PDE8B: variants seen among roughly 807,000 people sequenced by gnomAD.
PDE8B encodes high affinity cAMP-specific and IBMX-insensitive 3',5'-cyclic phosphodiesterase 8B.
PDE8B carries 26 observed loss-of-function variants against 101.3 expected under a neutral mutation model. The observed-to-expected ratio is 0.26, with a 90% confidence interval of 0.19 to 0.36. The LOEUF (loss-of-function observed/expected upper bound fraction) is 0.36, where lower values mean the gene tolerates loss of function less well. Among genes scored for constraint, PDE8B ranks in the 10% least tolerant of loss-of-function variants. The pLI is 1.00. For missense variants in PDE8B, 810 were observed against 1,163.1 expected (o/e 0.70, Z 4.42); for synonymous variants, 424 against 429.3 (o/e 0.99, Z 0.15).
chr5:77,280,212 A>C (rs1370074373), intron 1 of PDE8B, among the ~76,000 whole-genome samples: 1 of 152,202 alleles, frequency 6.6e-6, no homozygotes, highest in Non-Finnish European at 1.5e-5. Flanking sequence ...TTGGGTGCCA[A>C]CCAGGACACT....
chr5:77,402,312 A>G (rs1398149473), intron 11 of PDE8B, among the ~76,000 whole-genome samples: 1 of 152,032 alleles, frequency 6.6e-6, no homozygotes, highest in African/African-American at 2.4e-5. Context: ...ACTAAGGTAG[A>G]ATTTGGAAGA....
intron 10 of PDE8B, among the ~76,000 whole-genome samples, chr5:77,370,801 C>T (rs1784954720): frequency 1.3e-5 from 2 of 152,230 alleles, no homozygotes; most frequent in South Asian, 2.1e-4. Flanking sequence ...TCAGTTGCTG[C>T]ACATCCTTGC....
At position 77,211,319 on chromosome 5, in the gene PDE8B, C is replaced by A; in HGVS notation, c.339+55C>A. 1 of 1,494,948 alleles carries A rather than the reference C, an allele frequency of 6.7e-7. No individual in the cohort carries two copies. Among genetic ancestry groups the A allele is most frequent in the Non-Finnish European group, 8.9e-7 (1 of 1,122,076 alleles). 92.6% of individuals were successfully genotyped at this position (1,494,948 alleles called of 1,614,324 possible). On this transcript the variant is annotated intron_variant, in intron 1 of 21. Coordinates refer to ENST00000264917, the MANE Select transcript of PDE8B (RefSeq NM_003719.5). The surrounding 1 kb of genome is among the most constrained non-coding windows in gnomAD (Gnocchi z 4.1). ...GGGGCCGTCCGCCCCGTCGGCGGGG[C>A]TCGCACGGGTAGGGGGCTCCGGCGG... is the stretch of plus-strand genomic sequence containing the variant.
chr5:77,398,408 G>C (rs1180390587), intron 10 of PDE8B, among the ~76,000 whole-genome samples: 1 of 143,740 alleles, frequency 7.0e-6, no homozygotes, highest in African/African-American at 2.6e-5. Flanking sequence ...TGCAACCTCT[G>C]CCTCCTGGAT....
At chr5:77,105,268 A>C in the PDE8B span, 8 of 152,236 alleles carry the variant, frequency 5.3e-5, no homozygotes, top group African/African-American at 1.9e-4. Flanking sequence ...CAACTTTAAC[A>C]TAATGCGAAA....
chr5:77,128,594 G>A, the PDE8B span, among the ~76,000 whole-genome samples: 3 of 152,190 alleles, frequency 2.0e-5, no homozygotes, highest in Non-Finnish European at 4.4e-5. Context: ...TTATGCCTGT[G>A]TGGAACTGCT....
chr5:77,134,429 G>A, the PDE8B span: 1 of 152,236 alleles, frequency 6.6e-6, no homozygotes, highest in Admixed American at 6.5e-5. Context: ...TGAGATTAGA[G>A]GTTTTGGTCC....
chr5:77,382,129 C>T (rs897589094), intron 10 of PDE8B, among the ~76,000 whole-genome samples: 19 of 152,082 alleles, frequency 1.2e-4, no homozygotes, highest in African/African-American at 4.3e-4. Context: ...AATCTTTAAC[C>T]ATATAGAGTT....
At chr5:77,153,605 C>G in the PDE8B span, among the ~76,000 whole-genome samples, 22 of 142,946 alleles carry the variant, frequency 1.5e-4, no homozygotes, top group African/African-American at 5.8e-4. Flanking sequence ...GACGGAGTCT[C>G]ACTCTGTCAC....
intron 7 of PDE8B, among the ~76,000 whole-genome samples, chr5:77,345,407 G>C (rs1779960927): frequency 6.6e-6 from 1 of 152,184 alleles, no homozygotes; most frequent in African/African-American, 2.4e-5. Context: ...TGATCCACCT[G>C]CCTTGGCCTC....
At chr5:77,181,058 CACCCCT>C in the PDE8B span, among the ~76,000 whole-genome samples, 48 of 151,592 alleles carry the variant, frequency 3.2e-4, no homozygotes, top group South Asian at 2.5e-3. Flanking sequence ...ATGGGGCACC[CACCCCT>C]ACCCCTACCC....
chr5:77,239,085 G>C (rs1461965395), intron 1 of PDE8B, among the ~76,000 whole-genome samples: 1 of 152,158 alleles, frequency 6.6e-6, no homozygotes, highest in Non-Finnish European at 1.5e-5. Flanking sequence ...CACAACATCT[G>C]TCAATTATCT....
chr5:77,417,964 TC>T (rs112369930), intron 17 of PDE8B, among the ~76,000 whole-genome samples: 2,437 of 152,276 alleles, frequency 0.016, 69 homozygotes, highest in African/African-American at 0.056. Context: ...TTGTTTGGCC[TC>T]TTCCTGCAGC....
intron 1 of PDE8B, among the ~76,000 whole-genome samples, chr5:77,254,388 A>G (rs914577718): frequency 3.2e-5 from 4 of 125,098 alleles, no homozygotes; most frequent in Non-Finnish European, 7.1e-5. Context: ...TTCAGTCATT[A>G]AAAAAAAATT....
At chr5:77,117,143 G>A in the PDE8B span, among the ~76,000 whole-genome samples, 1 of 152,182 alleles carries the variant, frequency 6.6e-6, no homozygotes, top group Non-Finnish European at 1.5e-5. Flanking sequence ...AACCCTCTAG[G>A]CCTTGCTAAG....
At chr5:77,377,931 A>G (rs563935305) in intron 10 of PDE8B, among the ~76,000 whole-genome samples, 1 of 150,774 alleles carries the variant, frequency 6.6e-6, no homozygotes, top group African/African-American at 2.4e-5. Flanking sequence ...GTATCATGGG[A>G]CTCCTCAGCC....
chr5:77,351,206 C>T, intron 9 of PDE8B, 53 bp downstream of exon 9: 1 of 1,313,228 alleles, frequency 7.6e-7, no homozygotes, highest in Non-Finnish European at 1.1e-6. Flanking sequence ...TCAAGGCCCT[C>T]ATGGGCATTG....
chr5:77,286,213 G>C (rs183713387), intron 1 of PDE8B, among the ~76,000 whole-genome samples: 31 of 152,270 alleles, frequency 2.0e-4, no homozygotes, highest in African/African-American at 7.5e-4. Flanking sequence ...TGTCACCTGA[G>C]GTGGGTGGCA....
the PDE8B span, among the ~76,000 whole-genome samples, chr5:77,201,718 G>A: frequency 2.6e-5 from 4 of 152,080 alleles, no homozygotes; most frequent in South Asian, 2.1e-4. Context: ...CTAAGGATTC[G>A]TTTTCAGTAA....
Sources: gnomAD v4.1 joint callset for allele counts (sites outside exome capture counted in the v4.1 genomes callset) on GRCh38, gnomAD v4.1.1 for gene constraint, Gnocchi (gnomAD v3.1) non-coding constraint, MANE v1.5 for transcripts, NCBI Gene and HGNC (gene_info 2026-07-23, HGNC 2026-07-21) for gene names.